Variants in ZKSCAN7 observed in about 807,000 individuals in gnomAD.
ZKSCAN7 encodes zinc finger with KRAB and SCAN domains 7, also known as zinc finger protein with KRAB and SCAN domains 7.
ZKSCAN7 carries 38 observed loss-of-function variants against 65.3 expected under a neutral mutation model. The observed-to-expected ratio is 0.58, with a 90% CI of 0.45 to 0.76. The LOEUF (loss-of-function observed/expected upper bound fraction) is 0.76, where lower values mean the gene tolerates loss of function less well. Among genes scored for constraint, ZKSCAN7 ranks in the 30% least tolerant of loss-of-function variants. The pLI is 0.00. For missense variants in ZKSCAN7, 815 were observed against 913.3 expected (o/e 0.89, Z 1.39); for synonymous variants, 321 against 321.0 (o/e 1.00, Z 0.00).
intron 5 of ZKSCAN7, among the ~76,000 whole-genome samples, chr3:44,582,030 A>G (rs1485234511): frequency 6.6e-6 from 1 of 152,206 alleles, no homozygotes; most frequent in Non-Finnish European, 1.5e-5. Flanking sequence ...CTATAAAAAG[A>G]ATTGAAAGTA....
At position 44,580,280 on chromosome 3, in the gene ZKSCAN7, G is replaced by A. The variant is rs1042851603; in HGVS notation, c.812-2692G>A. The A allele has an allele frequency of 5.6e-6, 9 of 1,613,694 alleles. No homozygotes were observed. The Admixed American group carries it at 1.2e-4, about 21-fold the overall frequency. ...CTTTGCGGCCACAGTCCATGCGGTC[G>A]CTACTCATGGCGCTCTCCTCTTCTT... On this transcript the variant is annotated intron_variant, in intron 5 of 5. Transcript: ENST00000341840.
At chr3:44,581,145 C>T in intron 5 of ZKSCAN7, 1 of 947,248 alleles carries the variant, frequency 1.1e-6, no homozygotes, top group Non-Finnish European at 1.3e-6. Flanking sequence ...CCTGACCGGC[C>T]TCCTTCCCTG....
At chr3:44,560,116 C>CTT (rs140841231) in intron 2 of ZKSCAN7, among the ~76,000 whole-genome samples, 1 of 152,184 alleles carries the variant, frequency 6.6e-6, no homozygotes, top group Non-Finnish European at 1.5e-5. Context: ...AAGAAAATGA[C>CTT]TAACAGTAGA....
At chr3:44,568,284 G>T in intron 4 of ZKSCAN7, 23 bp from the exon 5 acceptor site, 1 of 1,608,396 alleles carries the variant, frequency 6.2e-7, no homozygotes, top group African/African-American at 1.3e-5. Context: ...ATGTTCCTGA[G>T]CGATTGGAGC....
At position 44,571,654 on chromosome 3, in the gene ZKSCAN7, C is replaced by A; in HGVS notation, c.*279C>A. On this transcript the variant is annotated 3_prime_UTR_variant, in exon 6 of 6. Coordinates refer to ENST00000426540, the MANE Select transcript of ZKSCAN7 (RefSeq NM_001288590.2). ...AAATCTATTTCATTTCTTAGTTATGCATCTCATAATCAGACTCCATGCTTT... is the reference window on the plus strand; with the variant it reads ...AAATCTATTTCATTTCTTAGTTATGAATCTCATAATCAGACTCCATGCTTT... The A allele has an allele frequency of 1.6e-6, 2 of 1,267,906 alleles. No individual in the cohort carries two copies. The highest frequency in any genetic ancestry group is 2.0e-6 in the Non-Finnish European group (2 of 1,003,610). The allele number at this position is 1,267,906 out of a possible 1,614,324, so 78.5% of individuals were successfully genotyped here. A position where few individuals can be genotyped will look rare whatever the true frequency, so the allele number is the denominator to read the frequency against.
intron 5 of ZKSCAN7, chr3:44,582,923 TGTG>T: frequency 2.6e-6 from 1 of 385,816 alleles, no homozygotes; most frequent in Non-Finnish European, 5.2e-6. Context: ...TGTGTGTGTG[TGTG>T]TGTGTGTGTG....
chr3:44,571,403 C>T lies in ZKSCAN7; in HGVS notation c.*28C>T, dbSNP rs2034476. The T allele has an allele frequency of 6.8e-6, 11 of 1,611,176 alleles. No homozygotes were observed. Among genetic ancestry groups the T allele is most frequent in the South Asian group, 6.6e-5 (6 of 91,078 alleles). The stretch of plus-strand genomic sequence containing the variant: ...TATGGTTCTCTGAGACAGAGAGCAA[C>T]GACCTTTGAGTTAAGCTGTCTTTAT... On this transcript the variant is annotated 3_prime_UTR_variant, in exon 6 of 6. Transcript: ENST00000426540.
In ZKSCAN7 at chr3:44,570,366, C is replaced by A. The variant is rs1016842142; in HGVS notation, c.1256C>A (p.Thr419Asn). ...TATGAGTGTAATGAGTGTGGGAAGA[C>A]CTTCAGGCAAACCTCCCAGCTCATT... ...KPYECNECGK[T>N]FRQTSQLIVH... Residue 419 changes from threonine (T) to asparagine (N), a missense_variant, in exon 6 of 6, where the codon ACC (threonine) becomes AAC (asparagine). Around this residue, in one of 3 missense-constraint regions of ZKSCAN7, gnomAD observed 578 missense variants for 629.5 expected, o/e 0.92. Coordinates refer to ENST00000426540, the MANE Select transcript of ZKSCAN7 (RefSeq NM_001288590.2). 11 of 1,613,776 alleles carry A rather than the reference C, an allele frequency of 6.8e-6. No individual in the cohort carries two copies. Among genetic ancestry groups the A allele is most frequent in the Admixed American group, 6.7e-5 (4 of 59,982 alleles).
At position 44,570,483 on chromosome 3, in the gene ZKSCAN7, A is replaced by G; in HGVS notation, c.1373A>G (p.Gln458Arg). The change falls in exon 6 of 6, where the codon CAG (glutamine) becomes CGG (arginine). Residue 458 changes from glutamine (Q) to arginine (R), a missense_variant. By Grantham distance (43) the Gln-to-Arg change is conservative (BLOSUM62 1). This residue lies in a region of ZKSCAN7 where 578 missense variants were observed against 629.5 expected (regional missense o/e 0.92). Transcript: ENST00000426540. Reference sequence around the variant, plus strand: ...CACAGCTCCCATCTCATTCAACACCAGAGACTCCATAATGGGGAGAAACCC... The same window carrying G: ...CACAGCTCCCATCTCATTCAACACCGGAGACTCCATAATGGGGAGAAACCC... ...YRHSSHLIQH[Q>R]RLHNGEKPYK... is the part of the protein sequence containing the mutation. The G allele has an allele frequency of 6.2e-6, 10 of 1,614,226 alleles. No homozygotes were observed. The highest frequency in any genetic ancestry group is 7.6e-6 in the Non-Finnish European group (9 of 1,180,036).
At chr3:44,580,412 C>T in intron 5 of ZKSCAN7, 1 of 1,600,756 alleles carries the variant, frequency 6.2e-7, no homozygotes, top group Non-Finnish European at 8.5e-7. Context: ...CCTTGGTCCT[C>T]ATTTCTTCCT....
chr3:44,561,935 G>A (rs1402305907), intron 2 of ZKSCAN7, among the ~76,000 whole-genome samples: 2 of 152,248 alleles, frequency 1.3e-5, no homozygotes, highest in East Asian at 1.9e-4. Flanking sequence ...CAAGCTGCTT[G>A]TGGATTTACC....
chr3:44,568,491 T>C lies in ZKSCAN7; in HGVS notation c.811+58T>C, dbSNP rs1327595070. 6 of 1,572,808 alleles carry C rather than the reference T, an allele frequency of 3.8e-6. No homozygotes were observed. The East Asian group carries it at 1.1e-4, about 29-fold the overall frequency. On this transcript the variant is annotated intron_variant, in intron 5 of 5. Transcript: ENST00000426540. Reference sequence around the variant, plus strand: ...TGCATGCTGCACAATCTCTTTTCTATATTCCTTGTCTCTTTAAACTTTTTA... The same window carrying C: ...TGCATGCTGCACAATCTCTTTTCTACATTCCTTGTCTCTTTAAACTTTTTA...
intron 2 of ZKSCAN7, among the ~76,000 whole-genome samples, chr3:44,559,164 G>C (rs1699389947): frequency 6.6e-6 from 1 of 151,818 alleles, no homozygotes; most frequent in South Asian, 2.1e-4. Context: ...CCGTTATCTA[G>C]TATAATCTCC....
At chr3:44,569,004 T>G (rs1226733348) in intron 5 of ZKSCAN7, among the ~76,000 whole-genome samples, 2 of 152,242 alleles carry the variant, frequency 1.3e-5, no homozygotes, top group Admixed American at 1.3e-4. Flanking sequence ...GCTTGGCTTC[T>G]CTCCATGCGC....
chr3:44,570,144 A>G lies in ZKSCAN7; in HGVS notation c.1034A>G (p.Asp345Gly), dbSNP rs755648995. Residue 345 changes from aspartate (D) to glycine (G), a missense_variant, in exon 6 of 6, where the codon GAT becomes GGT. By Grantham distance (94) the Asp-to-Gly change is moderately conservative. Transcript: ENST00000426540. ...GATTTCTTGGAAATAACAGATGAAGATAAGAAAAAATCCACAAAAGACAGA... is the reference window on the plus strand; with the variant it reads ...GATTTCTTGGAAATAACAGATGAAGGTAAGAAAAAATCCACAAAAGACAGA... ...ENDFLEITDEDKKKSTKDRYD... is the reference protein window; with the variant it reads ...ENDFLEITDEGKKKSTKDRYD... 1.2e-6 allele frequency: 2 copies of G among 1,614,156 alleles called. No individual in the cohort carries two copies. Among genetic ancestry groups the G allele is most frequent in the South Asian group, 1.1e-5 (1 of 91,072 alleles).
At chr3:44,577,923 T>C (rs972139812) in intron 5 of ZKSCAN7, among the ~76,000 whole-genome samples, 7 of 152,168 alleles carry the variant, frequency 4.6e-5, no homozygotes, top group Admixed American at 2.6e-4. Context: ...ACACACCTAG[T>C]CTTTCTTCAA....
downstream of ZKSCAN7, among the ~76,000 whole-genome samples, chr3:44,572,409 A>T (rs984849037): frequency 7.3e-4 from 105 of 144,756 alleles, 1 homozygote; most frequent in South Asian, 2.0e-3. Flanking sequence ...AAAGAGAGAG[A>T]GTGTGTGTGT....
At chr3:44,573,917 A>C (rs914248141), downstream of ZKSCAN7, among the ~76,000 whole-genome samples, 1 of 152,184 alleles carries the variant, frequency 6.6e-6, no homozygotes, top group African/African-American at 2.4e-5. Flanking sequence ...ACATCCTTAA[A>C]AGCCTGAGGC....
intron 5 of ZKSCAN7, chr3:44,580,818 T>G (rs1700057548): frequency 6.2e-7 from 1 of 1,613,030 alleles, no homozygotes; most frequent in African/African-American, 1.3e-5. Context: ...GAACTGTCGC[T>G]GCCATTTCGG....
Sources: gnomAD v4.1 joint callset for allele counts (sites outside exome capture counted in the v4.1 genomes callset) on GRCh38, gnomAD v4.1.1 for gene constraint, gnomAD v4.1.1 regional missense constraint, MANE v1.5 for transcripts, NCBI Gene and HGNC (gene_info 2026-07-23, HGNC 2026-07-21) for gene names.